The following RBFOX1 variants were observed in gnomAD, a reference collection of about 807,000 sequenced individuals.
RBFOX1 encodes the protein RNA binding protein fox-1 homolog 1.
RBFOX1 carries 8 observed loss-of-function variants against 57.7 expected under a neutral mutation model. The ratio of observed to expected loss-of-function variants is 0.14; its 90% confidence interval spans 0.08 to 0.25. RBFOX1 has a LOEUF of 0.25. Ranked by LOEUF, RBFOX1 falls within the 10% of genes least tolerant of loss-of-function variation. The probability of loss-of-function intolerance (pLI) is 1.00; values close to 1 mark genes in which losing one functional copy is unlikely to be tolerated. For synonymous variants in RBFOX1, 326 were observed against 222.4 expected (o/e 1.47, Z -4.15); for missense variants, 611 against 548.5 (o/e 1.11, Z -1.14).
intron 2 of RBFOX1, among the ~76,000 whole-genome samples, chr16:5,552,401 C>G (rs2045499876): frequency 6.6e-6 from 1 of 152,122 alleles, no homozygotes; most frequent in African/African-American, 2.4e-5. Flanking sequence ...AGTGACTTCC[C>G]AAAGGTTTCT....
intron 3 of RBFOX1, among the ~76,000 whole-genome samples, chr16:6,960,313 C>T (rs1328503458): frequency 6.6e-6 from 1 of 152,122 alleles, no homozygotes. Context: ...TCACTTACGT[C>T]TTTAGACGAA....
In RBFOX1 at chr16:5,885,369, T is replaced by A. The variant is rs1297920407; in HGVS notation, c.351+18034T>A. Among the ~76,000 whole-genome samples, 3 of 147,996 alleles carry A rather than the reference T, an allele frequency of 2.0e-5. No individual in the cohort carries two copies. In the East Asian group the frequency reaches 5.9e-4, roughly 29 times the overall value. On this transcript the variant is annotated intron_variant, in intron 4 of 19. Coordinates refer to the RBFOX1 transcript ENST00000641259. ...ATACGACTGCATTTTTCCCCTTAAATCATCCAATCTGCCATCTGAGGCCCC... is the reference window on the plus strand; with the variant it reads ...ATACGACTGCATTTTTCCCCTTAAAACATCCAATCTGCCATCTGAGGCCCC...
At chr16:7,644,304 CA>C (rs2063349006) in intron 11 of RBFOX1, among the ~76,000 whole-genome samples, 1 of 152,156 alleles carries the variant, frequency 6.6e-6, no homozygotes, top group Admixed American at 6.5e-5. Flanking sequence ...CCGGGTCTGG[CA>C]ATTAGCAAGT....
intron 4 of RBFOX1, among the ~76,000 whole-genome samples, chr16:7,213,601 T>A (rs1436018368): frequency 6.6e-6 from 1 of 151,272 alleles, no homozygotes; most frequent in Non-Finnish European, 1.5e-5. Context: ...TCCCTTGGAG[T>A]ATGATGGGAG....
At chr16:5,434,651 G>C (rs755409908) in intron 1 of RBFOX1, among the ~76,000 whole-genome samples, 16 of 152,054 alleles carry the variant, frequency 1.1e-4, no homozygotes, top group Admixed American at 1.0e-3. Flanking sequence ...CCTCTAAATT[G>C]TGTGCTAATA....
intron 2 of RBFOX1, among the ~76,000 whole-genome samples, chr16:6,653,312 GCTTGT>G (rs749213477): frequency 4.6e-5 from 7 of 152,114 alleles, no homozygotes; most frequent in East Asian, 3.9e-4. Flanking sequence ...ATGGTTTAAT[GCTTGT>G]CTTGTCCAGA....
intron 2 of RBFOX1, among the ~76,000 whole-genome samples, chr16:6,374,203 A>C (rs2090873165): frequency 6.6e-6 from 1 of 152,210 alleles, no homozygotes; most frequent in Admixed American, 6.5e-5. Flanking sequence ...TCTACTTGGC[A>C]AGTATTTCAA....
chr16:5,747,166 G>T (rs1233985738), intron 3 of RBFOX1, among the ~76,000 whole-genome samples: 2 of 152,184 alleles, frequency 1.3e-5, no homozygotes, highest in African/African-American at 4.8e-5. Flanking sequence ...GTTTGGTTCT[G>T]TTAAAATGCT....
intron 1 of RBFOX1, among the ~76,000 whole-genome samples, chr16:6,054,718 A>G (rs2095593600): frequency 6.6e-6 from 1 of 152,208 alleles, no homozygotes; most frequent in South Asian, 2.1e-4. Flanking sequence ...GGAAACTCAC[A>G]GATTTGCACA....
rs149878397 is a variant in RBFOX1, at chr16:6,110,302, C to G, written c.-127+90310C>G. Among the ~76,000 whole-genome samples the G allele has an allele frequency of 1.3e-4, 20 of 150,104 alleles. No individual in the cohort carries two copies. The East Asian group carries it at 3.5e-3, about 27-fold the overall frequency. On this transcript the variant is annotated intron_variant, in intron 1 of 15. Transcript: ENST00000550418. ...GCAGCATCATCACAATTCTCTATAG[C>G]TTGATAAATAACCTCTCTGGAAATT...
At chr16:5,908,405 T>G (rs1597739834) in intron 4 of RBFOX1, among the ~76,000 whole-genome samples, 1 of 151,170 alleles carries the variant, frequency 6.6e-6, no homozygotes, top group African/African-American at 2.4e-5. Context: ...CAGGCTGGAG[T>G]GCAGTAGTGC....
chr16:6,712,588 G>A (rs1302249506), intron 3 of RBFOX1, among the ~76,000 whole-genome samples: 1 of 152,018 alleles, frequency 6.6e-6, no homozygotes, highest in Non-Finnish European at 1.5e-5. Context: ...GTCATCCATG[G>A]CAAGATAATA....
At chr16:5,836,631 A>G (rs2056467043) in intron 3 of RBFOX1, among the ~76,000 whole-genome samples, 1 of 152,102 alleles carries the variant, frequency 6.6e-6, no homozygotes, top group East Asian at 1.9e-4. Context: ...GGATTTCTCA[A>G]ACTTTGCACT....
chr16:5,361,945 C>T (rs1369499228), intron 1 of RBFOX1, among the ~76,000 whole-genome samples: 1 of 152,178 alleles, frequency 6.6e-6, no homozygotes, highest in East Asian at 1.9e-4. Context: ...AGATAATGCT[C>T]AAATAGCATT....
At chr16:7,704,371 C>G (rs954239539) in intron 14 of RBFOX1, among the ~76,000 whole-genome samples, 1 of 152,258 alleles carries the variant, frequency 6.6e-6, no homozygotes, top group Middle Eastern at 3.4e-3. Context: ...TTTGCAAACT[C>G]ACAGAAATGA....
chr16:7,236,319 G>C (rs115411766), intron 4 of RBFOX1, among the ~76,000 whole-genome samples: 1 of 152,266 alleles, frequency 6.6e-6, no homozygotes, highest in African/African-American at 2.4e-5. Flanking sequence ...CTCAAGTTAG[G>C]GAGAGAAGGA....
chr16:5,382,769 C>T (rs1381000201), intron 1 of RBFOX1, among the ~76,000 whole-genome samples: 7 of 152,316 alleles, frequency 4.6e-5, no homozygotes, highest in Non-Finnish European at 8.8e-5. Flanking sequence ...AAAGAGCAAA[C>T]ATCAGATAAT....
chr16:6,790,107 C>A (rs1032161710), intron 3 of RBFOX1, among the ~76,000 whole-genome samples: 1 of 148,858 alleles, frequency 6.7e-6, no homozygotes, highest in Non-Finnish European at 1.5e-5. Flanking sequence ...ATTTTTCATG[C>A]TGTGAATTTT....
chr16:5,584,434 G>T (rs1481180537), intron 2 of RBFOX1, among the ~76,000 whole-genome samples: 2 of 152,160 alleles, frequency 1.3e-5, no homozygotes, highest in African/African-American at 2.4e-5. Context: ...ACTTCTTGAT[G>T]TTCCGTCTTC....
Sources: allele counts gnomAD v4.1 joint callset (sites outside exome capture counted in the v4.1 genomes callset), GRCh38; gene constraint gnomAD v4.1.1; transcripts MANE v1.5; gene names NCBI Gene and HGNC (gene_info 2026-07-23, HGNC 2026-07-21).